CNTNAP2: variants seen among roughly 807,000 people sequenced by gnomAD.
CNTNAP2 encodes the protein contactin associated protein 2.
CNTNAP2 carries 98 observed loss-of-function variants against 155.2 expected under a neutral mutation model. That is an observed-to-expected ratio of 0.63 (90% CI 0.54 to 0.75). The LOEUF is 0.75. Among genes scored for constraint, CNTNAP2 ranks in the 30% least tolerant of loss-of-function variants. The probability of loss-of-function intolerance (pLI) is 0.00; values close to 1 mark genes in which losing one functional copy is unlikely to be tolerated. For missense variants in CNTNAP2, 1,727 were observed against 1,688.1 expected, an observed-to-expected ratio of 1.02 and a Z score of -0.40; for synonymous variants, 651 against 631.2, an observed-to-expected ratio of 1.03 and a Z score of -0.47.
At chr7:147,555,450 C>T (rs1393250306) in intron 11 of CNTNAP2, among the ~76,000 whole-genome samples, 1 of 152,132 alleles carries the variant, frequency 6.6e-6, no homozygotes, top group African/African-American at 2.4e-5. Context: ...CATGTGATCG[C>T]CTCCAGTATA....
At chr7:148,078,195 C>T (rs1430446957) in intron 15 of CNTNAP2, among the ~76,000 whole-genome samples, 1 of 151,544 alleles carries the variant, frequency 6.6e-6, no homozygotes, top group Non-Finnish European at 1.5e-5. Flanking sequence ...TCTCAAGTAG[C>T]TGGGATTACA....
In CNTNAP2 at chr7:147,804,923, T is replaced by A. The variant is rs144024475; in HGVS notation, c.2099-98642T>A. On this transcript the variant is annotated intron_variant, in intron 13 of 23. Transcript: ENST00000361727. Reference sequence around the variant, plus strand: ...CCACAGTTGCCTTTTTCTCTGTTCTTAGAACCCTACATTGATGAGCATCAG... The same window carrying A: ...CCACAGTTGCCTTTTTCTCTGTTCTAAGAACCCTACATTGATGAGCATCAG... Among the ~76,000 whole-genome samples, 103 of 152,280 alleles carry A rather than the reference T, an allele frequency of 6.8e-4. 1 individual carries two copies. In the East Asian group the frequency reaches 0.019, roughly 29 times the overall value.
At chr7:147,137,518 AATG>A (rs1801509294) in intron 8 of CNTNAP2, among the ~76,000 whole-genome samples, 2 of 151,828 alleles carry the variant, frequency 1.3e-5, no homozygotes, top group Admixed American at 1.3e-4. Flanking sequence ...TTGAGGATAA[AATG>A]ATATTTCTGA....
intron 2 of CNTNAP2, among the ~76,000 whole-genome samples, chr7:146,787,502 T>C (rs979297194): frequency 2.0e-5 from 3 of 152,144 alleles, no homozygotes; most frequent in Non-Finnish European, 4.4e-5. Flanking sequence ...AGTTGTTCCT[T>C]CCTTCTGGTG....
chr7:146,449,971 G>T (rs1013711545), intron 1 of CNTNAP2, among the ~76,000 whole-genome samples: 4 of 152,088 alleles, frequency 2.6e-5, no homozygotes, highest in African/African-American at 9.7e-5. Context: ...CTAGTTATCA[G>T]TCCACTATTT....
At chr7:148,396,592 A>G (rs1195131055) in intron 22 of CNTNAP2, among the ~76,000 whole-genome samples, 1 of 152,182 alleles carries the variant, frequency 6.6e-6, no homozygotes, top group East Asian at 1.9e-4. Flanking sequence ...TATGATCTCT[A>G]CAGTTGCAGA....
rs540147390 is a variant in CNTNAP2 at position 147,795,457 on chromosome 7, T to C, written c.2099-108108T>C. ...CTTTCACTGCATTAACTAAATATTT[T>C]CTCCTGTTTGTCTTTTCATTTCTAA... On this transcript the variant is annotated intron_variant, in intron 13 of 23. Transcript: ENST00000361727. 3.9e-5 allele frequency among the ~76,000 whole-genome samples: 6 copies of C among 152,306 alleles called. No individual in the cohort carries two copies. In the East Asian group the frequency reaches 9.6e-4, roughly 24 times the overall value.
At chr7:146,491,625 T>C (rs1797140840) in intron 1 of CNTNAP2, among the ~76,000 whole-genome samples, 1 of 152,110 alleles carries the variant, frequency 6.6e-6, no homozygotes, top group Admixed American at 6.6e-5. Flanking sequence ...AGAGCGTTTT[T>C]AGAGAGGATG....
chr7:148,369,761 G>T (rs899958615), intron 21 of CNTNAP2, among the ~76,000 whole-genome samples: 2 of 151,800 alleles, frequency 1.3e-5, no homozygotes, highest in Non-Finnish European at 2.9e-5. Context: ...GCCAGGAGGA[G>T]GCAGAAGGCA....
rs1195818447 is a variant in CNTNAP2 at position 146,265,145 on chromosome 7, G to T, written c.97+148172G>T. Among the ~76,000 whole-genome samples, 12 of 152,084 alleles carry T rather than the reference G, an allele frequency of 7.9e-5. No homozygotes were observed. The South Asian group carries it at 1.0e-3, about 13-fold the overall frequency. ...AAAAATATGTGTGTCTGTGTATAAC[G>T]CTCGTATTACATATATCTCATATTA... On this transcript the variant is annotated intron_variant, in intron 1 of 23. Transcript: ENST00000361727.
At chr7:147,029,332 A>T (rs1049937926) in intron 3 of CNTNAP2, among the ~76,000 whole-genome samples, 2 of 135,484 alleles carry the variant, frequency 1.5e-5, no homozygotes, top group African/African-American at 2.5e-5. Context: ...GAAGAATTTT[A>T]AAAAAGATTA....
chr7:147,304,194 T>A (rs965212690), intron 9 of CNTNAP2, among the ~76,000 whole-genome samples: 2 of 152,180 alleles, frequency 1.3e-5, no homozygotes, highest in Non-Finnish European at 2.9e-5. Flanking sequence ...TGATGTTTAA[T>A]CACCAAGAAT....
chr7:147,737,947 C>T (rs369063791), intron 13 of CNTNAP2, among the ~76,000 whole-genome samples: 4 of 152,314 alleles, frequency 2.6e-5, no homozygotes, highest in South Asian at 2.1e-4. Flanking sequence ...AAGGGAATTC[C>T]CTGACCCCTT....
intron 13 of CNTNAP2, among the ~76,000 whole-genome samples, chr7:147,664,247 G>A (rs1795660964): frequency 6.6e-6 from 1 of 152,178 alleles, no homozygotes; most frequent in Non-Finnish European, 1.5e-5. Flanking sequence ...GGATTAAATT[G>A]TTCATCTCGC....
chr7:147,807,086 A>G (rs1798102590), intron 13 of CNTNAP2, among the ~76,000 whole-genome samples: 1 of 152,036 alleles, frequency 6.6e-6, no homozygotes, highest in South Asian at 2.1e-4. Flanking sequence ...CTCAGGTGGG[A>G]GAATCGCTTG....
At chr7:147,106,018 A>C (rs1232720690) in intron 4 of CNTNAP2, among the ~76,000 whole-genome samples, 1 of 152,086 alleles carries the variant, frequency 6.6e-6, no homozygotes, top group Non-Finnish European at 1.5e-5. Flanking sequence ...CATTTGCGTA[A>C]ATCATTACTC....
At chr7:147,778,899 C>G (rs886586860) in intron 13 of CNTNAP2, among the ~76,000 whole-genome samples, 15 of 152,170 alleles carry the variant, frequency 9.9e-5, no homozygotes, top group African/African-American at 3.4e-4. Flanking sequence ...TGGAACAAAC[C>G]CATAGTTGAC....
At chr7:146,877,958 T>C (rs906343088) in intron 3 of CNTNAP2, among the ~76,000 whole-genome samples, 1 of 152,160 alleles carries the variant, frequency 6.6e-6, no homozygotes, top group African/African-American at 2.4e-5. Context: ...TCCTAAGTCA[T>C]TTTCAGTTCT....
chr7:147,514,517 A>G (rs185728249), intron 11 of CNTNAP2, among the ~76,000 whole-genome samples: 122 of 152,208 alleles, frequency 8.0e-4, no homozygotes, highest in African/African-American at 2.8e-3. Flanking sequence ...GGACAAAGTA[A>G]CAGAATAAAC....
Sources: gnomAD v4.1 joint callset for allele counts (sites outside exome capture counted in the v4.1 genomes callset) on GRCh38, gnomAD v4.1.1 for gene constraint, MANE v1.5 for transcripts, NCBI Gene and HGNC (gene_info 2026-07-23, HGNC 2026-07-21) for gene names.